ITSN1: variants seen among roughly 807,000 people sequenced by gnomAD.
ITSN1 encodes intersectin-1.
A neutral mutation model predicts 239.8 loss-of-function variants in ITSN1; 58 were observed. The observed-to-expected ratio is 0.24, with a 90% CI of 0.20 to 0.30. ITSN1 has a LOEUF of 0.30. Ranked by LOEUF, ITSN1 falls within the 10% of genes least tolerant of loss-of-function variation. ITSN1 has a pLI of 1.00. For synonymous variants in ITSN1, 780 were observed against 770.8 expected (o/e 1.01, Z -0.20); for missense variants, 1,558 against 2,103.3 (o/e 0.74, Z 5.07).
chr21:33,739,230 G>A lies in ITSN1; in HGVS notation c.346+4026G>A, dbSNP rs143268415. Among the ~76,000 whole-genome samples the A allele has an allele frequency of 4.4e-3, 667 of 152,286 alleles. 9 individuals carry two copies. Among genetic ancestry groups the A allele is most frequent in the African/African-American group, 0.015 (634 of 41,570 alleles). On this transcript the variant is annotated intron_variant, in intron 5 of 39. Transcript: ENST00000381318. ...CAGTGATACTGTGACTTGCCTTAGA[G>A]CACCCTGAAAATAGAATTTTCTATT...
intron 1 of ITSN1, among the ~76,000 whole-genome samples, chr21:33,689,778 G>A (rs2091420167): frequency 6.6e-6 from 1 of 151,964 alleles, no homozygotes; most frequent in Admixed American, 6.6e-5. Context: ...GACCAACCTG[G>A]CCAACATAGT....
chr21:33,651,319 T>C, intron 1 of ITSN1, among the ~76,000 whole-genome samples: 1 of 152,210 alleles, frequency 6.6e-6, no homozygotes, highest in Non-Finnish European at 1.5e-5. Context: ...AAAAATCTCC[T>C]TCTGAGTATC....
intron 32 of ITSN1, 90 bp from the exon 33 acceptor site, chr21:33,867,143 G>A: frequency 2.6e-6 from 2 of 762,882 alleles, no homozygotes; most frequent in Non-Finnish European, 4.7e-6. Context: ...TGAGATAATG[G>A]GTGGAGAGTC....
chr21:33,803,181 CA>C (rs1166944222), intron 20 of ITSN1, among the ~76,000 whole-genome samples: 1 of 152,194 alleles, frequency 6.6e-6, no homozygotes, highest in African/African-American at 2.4e-5. Context: ...CCAGCTTTGT[CA>C]AGAGTATAGG....
intron 29 of ITSN1, among the ~76,000 whole-genome samples, chr21:33,841,152 A>C (rs971717772): frequency 5.9e-5 from 9 of 152,240 alleles, no homozygotes; most frequent in Non-Finnish European, 1.3e-4. Flanking sequence ...GCATGGTAGA[A>C]ACTGGTATCT....
chr21:33,786,683 A>T (rs1450177994), intron 16 of ITSN1, among the ~76,000 whole-genome samples: 2 of 152,224 alleles, frequency 1.3e-5, no homozygotes, highest in Non-Finnish European at 2.9e-5. Context: ...TTAAGAGGTC[A>T]AATAAGGAGA....
chr21:33,711,010 C>G (rs1052432409), intron 1 of ITSN1, among the ~76,000 whole-genome samples: 6 of 151,608 alleles, frequency 4.0e-5, no homozygotes, highest in Non-Finnish European at 7.4e-5. Flanking sequence ...CCAGGATGGT[C>G]TCGATCTCCT....
At chr21:33,760,348 T>C (rs905976898) in intron 8 of ITSN1, among the ~76,000 whole-genome samples, 5 of 152,196 alleles carry the variant, frequency 3.3e-5, no homozygotes, top group African/African-American at 1.2e-4. Context: ...GATTATACTC[T>C]CTTTCATGAC....
rs536352585 is a variant in ITSN1 at position 33,770,966 on chromosome 21, A to C, written c.1043-1095A>C. 1.4e-4 allele frequency among the ~76,000 whole-genome samples: 22 copies of C among 151,854 alleles called. No individual in the cohort carries two copies. In the South Asian group the frequency reaches 4.6e-3, roughly 32 times the overall value. The stretch of plus-strand genomic sequence containing the variant: ...TTTTTAGTAGAGACTGGGTTTCACC[A>C]TGTTGGCCAGGCTGGTATGGAACTC... On this transcript the variant is annotated intron_variant, in intron 11 of 39. Transcript: ENST00000381318.
chr21:33,772,467 C>T (rs960619741), intron 12 of ITSN1, 144 bp downstream of exon 12: 8 of 1,014,828 alleles, frequency 7.9e-6, no homozygotes, highest in South Asian at 1.7e-5. Flanking sequence ...ACCATCGTCC[C>T]TAATTCCAGA....
intron 1 of ITSN1, among the ~76,000 whole-genome samples, chr21:33,692,774 T>A (rs1177745445): frequency 6.6e-6 from 1 of 152,136 alleles, no homozygotes; most frequent in African/African-American, 2.4e-5. Flanking sequence ...AGTAATCTAT[T>A]TCTTTTTTTT....
At chr21:33,700,161 G>A (rs141139453) in intron 1 of ITSN1, among the ~76,000 whole-genome samples, 143 of 151,562 alleles carry the variant, frequency 9.4e-4, no homozygotes, top group Non-Finnish European at 1.7e-3. Context: ...TCAGCTCACT[G>A]CAACCTAAAC....
chr21:33,710,304 T>G (rs958260327), intron 1 of ITSN1, among the ~76,000 whole-genome samples: 1 of 151,954 alleles, frequency 6.6e-6, no homozygotes, highest in Non-Finnish European at 1.5e-5. Context: ...GGTCTCGACC[T>G]CCTGACCTCG....
chr21:33,789,032 G>A (rs919365036), intron 16 of ITSN1, among the ~76,000 whole-genome samples: 9 of 152,152 alleles, frequency 5.9e-5, no homozygotes, highest in Non-Finnish European at 5.9e-5. Flanking sequence ...TATAGTTTCT[G>A]TGTTCTGAAA....
intron 5 of ITSN1, among the ~76,000 whole-genome samples, chr21:33,737,969 G>A (rs1161246850): frequency 1.3e-5 from 2 of 152,140 alleles, no homozygotes; most frequent in Non-Finnish European, 2.9e-5. Flanking sequence ...GATCGCTTGC[G>A]CTCAGGAGTT....
rs762942449 is a variant in ITSN1, at chr21:33,811,261, C to T, written c.2567+39C>T. 5.9e-6 allele frequency: 9 copies of T among 1,526,118 alleles called. No individual in the cohort carries two copies. In the South Asian group the frequency reaches 1.2e-4, roughly 20 times the overall value. 94.5% of individuals were successfully genotyped at this position (1,526,118 alleles called of 1,614,324 possible). On this transcript the variant is annotated intron_variant, in intron 21 of 39. Coordinates refer to ENST00000381318, the MANE Select transcript of ITSN1 (RefSeq NM_003024.3). ...GGCTCTTTCTGATGATTTTTGAAAT[C>T]CCAATTTGATCATTTCCCCCCCACC...
chr21:33,794,627 T>A (rs920333104), intron 17 of ITSN1, among the ~76,000 whole-genome samples, 159 bp downstream of exon 17: 17 of 152,188 alleles, frequency 1.1e-4, no homozygotes, highest in African/African-American at 4.1e-4. Context: ...TATATATGAA[T>A]CTTTGCATGT....
intron 29 of ITSN1, among the ~76,000 whole-genome samples, chr21:33,850,442 A>G (rs1288225594): frequency 1.3e-5 from 2 of 152,238 alleles, no homozygotes; most frequent in African/African-American, 4.8e-5. Flanking sequence ...TAAAAATCGC[A>G]TCTTGAGGAT....
At chr21:33,834,221 C>A in intron 27 of ITSN1, 86 bp from the exon 28 acceptor site, 2 of 915,066 alleles carry the variant, frequency 2.2e-6, no homozygotes, top group South Asian at 3.0e-5. Context: ...TATATGTAAG[C>A]TTTACATAAG....
Sources: gnomAD v4.1 joint callset for allele counts (sites outside exome capture counted in the v4.1 genomes callset) on GRCh38, gnomAD v4.1.1 for gene constraint, MANE v1.5 for transcripts, NCBI Gene and HGNC (gene_info 2026-07-23, HGNC 2026-07-21) for gene names.